Variants in APH1B observed in about 807,000 individuals in gnomAD.
APH1B encodes the protein gamma-secretase subunit APH-1B.
APH1B carries 27 observed loss-of-function variants against 28.2 expected under a neutral mutation model. That is an observed-to-expected ratio of 0.96 (90% CI 0.70 to 1.32). The LOEUF is 1.32. Ranked by LOEUF, APH1B falls within the 40% of genes most tolerant of loss-of-function variation. The pLI is 0.00. For synonymous variants in APH1B, 141 were observed against 124.6 expected, an observed-to-expected ratio of 1.13 and a Z score of -0.88; for missense variants, 305 against 313.6, an observed-to-expected ratio of 0.97 and a Z score of 0.21.
rs1466507681 is a variant in APH1B at position 63,293,814 on chromosome 15, G to A, written c.478+6268G>A. Among the ~76,000 whole-genome samples, 16 of 152,246 alleles carry A rather than the reference G, an allele frequency of 1.1e-4. No individual in the cohort carries two copies. The East Asian group carries it at 2.7e-3, about 26-fold the overall frequency. ...GGGTCTTGCTCTGTCACCTAGGCTGGAGTGGAGTGGTGTGATCATGGCTCA... is the reference window on the plus strand; with the variant it reads ...GGGTCTTGCTCTGTCACCTAGGCTGAAGTGGAGTGGTGTGATCATGGCTCA... On this transcript the variant is annotated intron_variant, in intron 4 of 5. Transcript: ENST00000261879.
Position 63,307,641 on chromosome 15 carries a change from T to C in APH1B, c.*1860T>C, listed in dbSNP as rs1168713566. 1.3e-5 allele frequency: 2 copies of C among 152,234 alleles called. No individual in the cohort carries two copies. Among genetic ancestry groups the C allele is most frequent in the Non-Finnish European group, 2.9e-5 (2 of 68,044 alleles). 9.4% of individuals were successfully genotyped at this position (152,234 alleles called of 1,614,324 possible). A position where few individuals can be genotyped will look rare whatever the true frequency, so the allele number is the denominator to read the frequency against. ...TTATTCTTATCAAAACATGGTCTTC[T>C]TTGAATAAGAAAAATACATAGTTGG... is the stretch of plus-strand genomic sequence containing the variant. On this transcript the variant is annotated 3_prime_UTR_variant, in exon 6 of 6. Transcript: ENST00000261879.
At chr15:63,294,522 A>C (rs1404558504) in intron 4 of APH1B, among the ~76,000 whole-genome samples, 1 of 152,212 alleles carries the variant, frequency 6.6e-6, no homozygotes, top group Non-Finnish European at 1.5e-5. Flanking sequence ...AGACAGTCGT[A>C]AGGTTCACGT....
intron 4 of APH1B, among the ~76,000 whole-genome samples, chr15:63,297,641 A>G (rs2038581566): frequency 6.6e-6 from 1 of 152,230 alleles, no homozygotes. Flanking sequence ...TTTAGTAATT[A>G]AAAGGTTGTA....
rs2038662275 is a variant in APH1B at position 63,304,027 on chromosome 15, A to G, written c.606+1555A>G. On this transcript the variant is annotated intron_variant, in intron 5 of 5. Transcript: ENST00000261879. This position sits in a 1 kb window ranked among gnomAD's most constrained non-coding sequence, Gnocchi z 5.1. ...TCACCTTACACTCTGCCATCAGTTT[A>G]CAAGTTGTGGTTCGTCCACCTCCTC... Among the ~76,000 whole-genome samples, 1 of 152,074 alleles carries G rather than the reference A, an allele frequency of 6.6e-6. No individual in the cohort carries two copies. The highest frequency in any genetic ancestry group is 1.5e-5 in the Non-Finnish European group (1 of 68,028).
rs1183657989 is a variant in APH1B, at chr15:63,302,371, C to T, written c.505C>T (p.Leu169=). The stretch of plus-strand genomic sequence containing the variant: ...TTTCATGACGCTGGTCATTATCTTG[C>T]TGCATGTATTCTGGGGCATTGTATT... The part of the protein sequence containing the change: ...SAFMTLVIIL[L]HVFWGIVFFD... Residue 169 remains leucine (L), a synonymous_variant, in exon 5 of 6, where the codon CTG becomes TTG. Transcript: ENST00000261879. 1 of 1,613,996 alleles carries T rather than the reference C, an allele frequency of 6.2e-7. No homozygotes were observed. Among genetic ancestry groups the T allele is most frequent in the Admixed American group, 1.7e-5 (1 of 60,008 alleles).
At chr15:63,293,071 A>G (rs1028572397) in intron 4 of APH1B, among the ~76,000 whole-genome samples, 6 of 152,160 alleles carry the variant, frequency 3.9e-5, no homozygotes, top group Admixed American at 1.3e-4. Context: ...TCCATTCTCT[A>G]TAGACCTTGT....
intron 5 of APH1B, 166 bp downstream of exon 5, chr15:63,302,638 C>A: frequency 1.1e-6 from 1 of 904,098 alleles, no homozygotes; most frequent in East Asian, 3.1e-5. Flanking sequence ...ACAAAAAGAC[C>A]ACCACTATTA....
rs545733556 is a variant in APH1B, at chr15:63,281,344, A to G, written c.284+2013A>G. 6.3e-4 allele frequency among the ~76,000 whole-genome samples: 96 copies of G among 152,200 alleles called. 1 individual carries two copies. The highest frequency in any genetic ancestry group is 6.8e-3 in the Middle Eastern group (2 of 294). ...GCTGTTTGTTCTTTTTGGTCAGTGG[A>G]CATGACCCTTTTTGTCAGCGCCTGG... On this transcript the variant is annotated intron_variant, in intron 2 of 5. Coordinates refer to ENST00000261879, the MANE Select transcript of APH1B (RefSeq NM_031301.4).
At chr15:63,284,535 T>C (rs939357282) in intron 2 of APH1B, among the ~76,000 whole-genome samples, 2 of 151,746 alleles carry the variant, frequency 1.3e-5, no homozygotes, top group African/African-American at 4.9e-5. Flanking sequence ...TGCTTTTATA[T>C]GACTGGCATT....
intron 2 of APH1B, among the ~76,000 whole-genome samples, chr15:63,284,975 A>G (rs2038430673): frequency 6.6e-6 from 1 of 152,200 alleles, no homozygotes; most frequent in Non-Finnish European, 1.5e-5. Flanking sequence ...ATAAGCTTTA[A>G]TTCACTTTTA....
At chr15:63,302,545 C>A in intron 5 of APH1B, 73 bp downstream of exon 5, 1 of 1,520,966 alleles carries the variant, frequency 6.6e-7, no homozygotes, top group South Asian at 1.3e-5. Flanking sequence ...AAATTCTACT[C>A]TAGATGAAAT....
At chr15:63,289,116 T>G (rs1367682475) in intron 4 of APH1B, among the ~76,000 whole-genome samples, 1 of 152,230 alleles carries the variant, frequency 6.6e-6, no homozygotes, top group African/African-American at 2.4e-5. Context: ...AATTCAATAT[T>G]CAGTAAGCTA....
Position 63,279,173 on chromosome 15 carries a change from G to A in APH1B, c.126G>A (p.Trp42Ter). 6.3e-7 allele frequency: 1 copy of A among 1,594,040 alleles called. No individual in the cohort carries two copies. Among genetic ancestry groups the A allele is most frequent in the Non-Finnish European group, 8.6e-7 (1 of 1,165,384 alleles). The part of the protein sequence containing the change: ...IIFLIAGAFF[W>*]LVSLLISSLV... ...CCGTATTTTTCAGAGCTTTCTTCTG[G>A]TTGGTGTCTCTACTGATTTCGTCCC... The change falls in exon 2 of 6, where the codon TGG becomes TGA. Residue 42 changes from tryptophan (W) to a stop codon, truncating the protein, a stop_gained. Coordinates refer to ENST00000261879, the MANE Select transcript of APH1B (RefSeq NM_031301.4). LOFTEE classifies it high-confidence loss of function.
chr15:63,292,325 TAC>T (rs1253498218), intron 4 of APH1B, among the ~76,000 whole-genome samples: 5 of 152,386 alleles, frequency 3.3e-5, no homozygotes, highest in African/African-American at 1.2e-4. Context: ...CTGTTTATGA[TAC>T]AGTGATACTC....
chr15:63,287,103 G>T, intron 3 of APH1B: 1 of 272,990 alleles, frequency 3.7e-6, no homozygotes, highest in Non-Finnish European at 6.9e-6. Flanking sequence ...TAACTCTGTA[G>T]ACTCTGTTAT....
intron 2 of APH1B, among the ~76,000 whole-genome samples, chr15:63,284,409 T>G: frequency 6.6e-6 from 1 of 152,144 alleles, no homozygotes; most frequent in East Asian, 1.9e-4. Flanking sequence ...AGATGGGGAT[T>G]CACCATGTTG....
chr15:63,285,659 A>T (rs944193289), intron 2 of APH1B, among the ~76,000 whole-genome samples: 2 of 152,196 alleles, frequency 1.3e-5, no homozygotes, highest in Admixed American at 1.3e-4. Context: ...TTTAATAGAG[A>T]CAGGATCTTG....
intron 4 of APH1B, among the ~76,000 whole-genome samples, chr15:63,298,540 C>A (rs1446068618): frequency 7.2e-5 from 11 of 152,152 alleles, no homozygotes; most frequent in Admixed American, 7.2e-4. Context: ...TAGTCAAGTA[C>A]CCAGGAGACT....
rs561196178 is a variant in APH1B at position 63,279,110 on chromosome 15, A to G, written c.114-51A>G. On this transcript the variant is annotated intron_variant, in intron 1 of 5. Transcript: ENST00000261879. ...TTTTTTTTTCCTGCTTTTAAACATT[A>G]TTAATCCTGTACTGATGTTCACTTG... The G allele has an allele frequency of 4.6e-5, 61 of 1,336,302 alleles. No homozygotes were observed. In the South Asian group the frequency reaches 1.1e-3, roughly 23 times the overall value. 82.8% of individuals were successfully genotyped at this position (1,336,302 alleles called of 1,614,324 possible). A position where few individuals can be genotyped will look rare whatever the true frequency, so the allele number is the denominator to read the frequency against.
Sources: gnomAD v4.1 joint callset for allele counts (sites outside exome capture counted in the v4.1 genomes callset) on GRCh38, gnomAD v4.1.1 for gene constraint, Gnocchi (gnomAD v3.1) non-coding constraint, MANE v1.5 for transcripts, NCBI Gene and HGNC (gene_info 2026-07-23, HGNC 2026-07-21) for gene names.